Variants in DPP10 observed in about 807,000 individuals in gnomAD.
DPP10 encodes inactive dipeptidyl peptidase 10.
A neutral mutation model predicts 120.9 loss-of-function variants in DPP10; 33 were observed. The ratio of observed to expected loss-of-function variants is 0.27; its 90% CI spans 0.21 to 0.37. The LOEUF (loss-of-function observed/expected upper bound fraction) is 0.37, where lower values mean the gene tolerates loss of function less well. Ranked by LOEUF, DPP10 falls within the 10% of genes least tolerant of loss-of-function variation. The probability of loss-of-function intolerance (pLI) is 1.00; values close to 1 mark genes in which losing one functional copy is unlikely to be tolerated. For missense variants in DPP10, 816 were observed against 942.8 expected (o/e 0.87, Z 1.76); for synonymous variants, 337 against 326.1 (o/e 1.03, Z -0.36).
chr2:115,441,820 T>TC (rs1413623580), intron 3 of DPP10, among the ~76,000 whole-genome samples: 10 of 146,224 alleles, frequency 6.8e-5, no homozygotes, highest in South Asian at 2.1e-4. Context: ...TTTCTTTCTT[T>TC]TTTTTTTTTT....
At chr2:115,297,209 A>C in intron 1 of DPP10, 3 of 245,190 alleles carry the variant, frequency 1.2e-5, no homozygotes, top group South Asian at 1.1e-4. Flanking sequence ...TGCTGGCTGC[A>C]TCAGATAATG....
intron 5 of DPP10, among the ~76,000 whole-genome samples, chr2:115,626,228 C>T (rs2085347110): frequency 1.3e-5 from 2 of 151,684 alleles, no homozygotes; most frequent in Admixed American, 6.6e-5. Context: ...TATATTTAAA[C>T]AAACAAAATT....
intron 1 of DPP10, among the ~76,000 whole-genome samples, chr2:115,136,501 T>G (rs1446649945): frequency 2.0e-5 from 3 of 152,222 alleles, no homozygotes; most frequent in African/African-American, 7.2e-5. Flanking sequence ...TGAAAGCTCA[T>G]GTATATGTAT....
chr2:114,625,876 G>T (rs1034459967), intron 1 of DPP10, among the ~76,000 whole-genome samples: 5 of 151,764 alleles, frequency 3.3e-5, no homozygotes, highest in Admixed American at 1.3e-4. Flanking sequence ...GAAGCCCTGG[G>T]TTTCCTTTTA....
intron 2 of DPP10, among the ~76,000 whole-genome samples, chr2:115,324,972 C>T (rs935184398): frequency 6.6e-6 from 1 of 151,992 alleles, no homozygotes; most frequent in East Asian, 1.9e-4. Context: ...GGTTAGAACA[C>T]GCACAACATT....
chr2:114,670,090 A>G (rs1164561476), intron 1 of DPP10, among the ~76,000 whole-genome samples: 2 of 152,170 alleles, frequency 1.3e-5, no homozygotes, highest in African/African-American at 4.8e-5. Flanking sequence ...AACTAGTTCA[A>G]CCATTGTGGA....
intron 1 of DPP10, among the ~76,000 whole-genome samples, chr2:115,202,525 C>G (rs1482536067): frequency 2.0e-5 from 3 of 152,158 alleles, no homozygotes; most frequent in Non-Finnish European, 4.4e-5. Context: ...CTTGCCTCTA[C>G]TTTTCGAGGA....
chr2:114,962,755 C>T (rs985073808), intron 1 of DPP10, among the ~76,000 whole-genome samples: 4 of 152,196 alleles, frequency 2.6e-5, no homozygotes, highest in East Asian at 1.9e-4. Context: ...AAATGTGGAG[C>T]GAAAGGGTTG....
intron 1 of DPP10, among the ~76,000 whole-genome samples, chr2:114,786,642 A>G (rs1484954515): frequency 2.6e-5 from 4 of 152,246 alleles, no homozygotes; most frequent in African/African-American, 9.6e-5. Context: ...AAAATGTCTC[A>G]TTAGGAGCTC....
At chr2:115,313,492 TC>T (rs2061666109) in intron 2 of DPP10, among the ~76,000 whole-genome samples, 1 of 152,208 alleles carries the variant, frequency 6.6e-6, no homozygotes, top group South Asian at 2.1e-4. Context: ...CTAAGATTTT[TC>T]TACCATGAAA....
chr2:114,746,795 G>A (rs1456854084), intron 1 of DPP10, among the ~76,000 whole-genome samples: 1 of 152,184 alleles, frequency 6.6e-6, no homozygotes, highest in Non-Finnish European at 1.5e-5. Context: ...AAATGGAAAT[G>A]GAAACCTGAA....
At chr2:115,150,269 G>A (rs1051726968) in intron 1 of DPP10, among the ~76,000 whole-genome samples, 4 of 152,166 alleles carry the variant, frequency 2.6e-5, no homozygotes, top group Non-Finnish European at 5.9e-5. Flanking sequence ...CACTGCTAAT[G>A]CTGTTGTGCA....
chr2:115,195,872 C>T (rs959261092), intron 1 of DPP10, among the ~76,000 whole-genome samples: 1 of 152,274 alleles, frequency 6.6e-6, no homozygotes, highest in East Asian at 1.9e-4. Flanking sequence ...TTTCTGCAAA[C>T]CCTGATGCAC....
chr2:114,897,399 A>T (rs1315003192), intron 1 of DPP10, among the ~76,000 whole-genome samples: 1 of 152,232 alleles, frequency 6.6e-6, no homozygotes, highest in East Asian at 1.9e-4. Context: ...AAACCCTAGA[A>T]GAAAACCTAG....
intron 1 of DPP10, among the ~76,000 whole-genome samples, chr2:114,549,640 G>A (rs1223425998): frequency 8.8e-5 from 12 of 135,898 alleles, no homozygotes; most frequent in Admixed American, 4.2e-4. Flanking sequence ...CAGCCTGGGC[G>A]ACAGAGTGAG....
chr2:115,639,833 C>T (rs765251838), intron 5 of DPP10, among the ~76,000 whole-genome samples: 1 of 152,128 alleles, frequency 6.6e-6, no homozygotes, highest in African/African-American at 2.4e-5. Context: ...ATATATGATT[C>T]GCAGAGTGAC....
chr2:114,878,988 T>C (rs1691385721), intron 1 of DPP10, among the ~76,000 whole-genome samples: 1 of 152,138 alleles, frequency 6.6e-6, no homozygotes, highest in African/African-American at 2.4e-5. Flanking sequence ...GTGAAAGGTA[T>C]GGGATTTAAG....
At chr2:115,572,137 A>C (rs1185685555) in intron 5 of DPP10, among the ~76,000 whole-genome samples, 1 of 152,142 alleles carries the variant, frequency 6.6e-6, no homozygotes, top group Non-Finnish European at 1.5e-5. Flanking sequence ...ACATTTTATC[A>C]AGATTAAAAA....
chr2:114,862,157 G>A (rs552667836), intron 1 of DPP10, among the ~76,000 whole-genome samples: 12 of 152,124 alleles, frequency 7.9e-5, no homozygotes, highest in African/African-American at 2.7e-4. Flanking sequence ...ATAGAGGGAA[G>A]CACTAGACAG....
Sources: gnomAD v4.1 joint callset for allele counts (sites outside exome capture counted in the v4.1 genomes callset) on GRCh38, gnomAD v4.1.1 for gene constraint, MANE v1.5 for transcripts, NCBI Gene and HGNC (gene_info 2026-07-23, HGNC 2026-07-21) for gene names.